MIER2: variants seen among roughly 807,000 people sequenced by gnomAD.
MIER2 encodes the protein mesoderm induction early response protein 2.
MIER2 carries 30 observed loss-of-function variants against 67.6 expected under a neutral mutation model. That is an observed-to-expected ratio of 0.44 (90% CI 0.33 to 0.60). MIER2 has a LOEUF of 0.60. Ranked by LOEUF, MIER2 falls within the 20% of genes least tolerant of loss-of-function variation. The probability of loss-of-function intolerance (pLI) is 0.02; values close to 1 mark genes in which losing one functional copy is unlikely to be tolerated. For synonymous variants in MIER2, 372 were observed against 312.6 expected, an observed-to-expected ratio of 1.19 and a Z score of -2.00; for missense variants, 702 against 745.1, an observed-to-expected ratio of 0.94 and a Z score of 0.67.
chr19:311,988 GCA>G, intron 9 of MIER2, 49 bp from the exon 10 acceptor site: 1 of 1,395,664 alleles, frequency 7.2e-7, no homozygotes, highest in South Asian at 1.5e-5. Flanking sequence ...GGGCGGGGCC[GCA>G]GCGGAAGGAA....
chr19:343,520 G>A (rs1268676977), intron 1 of MIER2, among the ~76,000 whole-genome samples: 1 of 152,176 alleles, frequency 6.6e-6, no homozygotes, highest in Non-Finnish European at 1.5e-5. Flanking sequence ...TAAACACAGG[G>A]CCTGTTACTG....
chr19:331,158 G>C (rs546831867), intron 3 of MIER2, among the ~76,000 whole-genome samples: 8 of 152,020 alleles, frequency 5.3e-5, no homozygotes, highest in Admixed American at 1.3e-4. Flanking sequence ...TCAGGAGTTC[G>C]AGACCAGCCT....
chr19:326,763 CA>C (rs1971771524), intron 5 of MIER2, 165 bp from the exon 6 acceptor site: 1 of 623,258 alleles, frequency 1.6e-6, no homozygotes, highest in Non-Finnish European at 2.8e-6. Flanking sequence ...ACCAGGGATG[CA>C]CCTTTGAAGA....
intron 7 of MIER2, among the ~76,000 whole-genome samples, chr19:324,939 G>A (rs967034092): frequency 7.2e-5 from 11 of 152,212 alleles, no homozygotes; most frequent in Non-Finnish European, 1.3e-4. Context: ...GGGCACCCCC[G>A]ACCAGCCCCA....
At position 315,163 on chromosome 19, in the gene MIER2, G is replaced by A. The variant is rs866419359; in HGVS notation, c.656-1520C>T. 7.3e-5 allele frequency among the ~76,000 whole-genome samples: 11 copies of A among 149,978 alleles called. No individual in the cohort carries two copies. The South Asian group carries it at 1.9e-3, about 26-fold the overall frequency. ...GCGGGTCACCTGAGGTCAGGAGTTC[G>A]AGACCAGCCTGGCAAACATGGCGAA... is the stretch of plus-strand genomic sequence containing the variant. On this transcript the variant is annotated intron_variant, in intron 7 of 13. Coordinates refer to ENST00000264819, the MANE Select transcript of MIER2 (RefSeq NM_017550.3).
chr19:325,410 C>G (rs1399257520), intron 7 of MIER2, among the ~76,000 whole-genome samples: 1 of 152,124 alleles, frequency 6.6e-6, no homozygotes, highest in Non-Finnish European at 1.5e-5. Flanking sequence ...GCTGCACAGG[C>G]TGACCAGAGC....
intron 10 of MIER2, among the ~76,000 whole-genome samples, chr19:309,277 G>A (rs1428778369): frequency 6.6e-6 from 1 of 152,036 alleles, no homozygotes; most frequent in Non-Finnish European, 1.5e-5. Flanking sequence ...ATGAGCCACG[G>A]GCCAGTTGCG....
rs1441582208 is a variant in MIER2 at position 334,496 on chromosome 19, G to C, written c.147C>G (p.Ile49Met). The change falls in exon 3 of 14, where the codon ATC (isoleucine) becomes ATG (methionine). Residue 49 changes from isoleucine to methionine, a missense_variant. Coordinates refer to ENST00000264819, the MANE Select transcript of MIER2 (RefSeq NM_017550.3). ...CCCTAACACTGTAGTTCTGTGACAG[G>C]ATCTCTGCGAGGTTGAACTGATGGT... The part of the protein sequence containing the change: ...SGDHQFNLAE[I>M]LSQNYSVRGE... The C allele has an allele frequency of 3.1e-6, 5 of 1,614,134 alleles. No individual in the cohort carries two copies. The highest frequency in any genetic ancestry group is 1.3e-5 in the African/African-American group (1 of 75,038).
intron 1 of MIER2, chr19:340,700 C>T (rs882572): frequency 0.56 from 85,229 of 151,916 alleles, 25,137 homozygotes; most frequent in African/African-American, 0.68. Flanking sequence ...TGTACAGCAA[C>T]GTACAGCAAA....
chr19:340,138 C>T (rs1972436772), intron 1 of MIER2, among the ~76,000 whole-genome samples: 1 of 152,192 alleles, frequency 6.6e-6, no homozygotes, highest in Admixed American at 6.5e-5. Flanking sequence ...GAAACAAGCT[C>T]AAAGAGATAG....
In MIER2 at chr19:328,944, G is replaced by A. The variant is rs147605864; in HGVS notation, c.244-955C>T. On this transcript the variant is annotated intron_variant, in intron 3 of 13. Coordinates refer to ENST00000264819, the MANE Select transcript of MIER2 (RefSeq NM_017550.3). ...ATGACAAGAAGTATAAATAAGGCACGTAATTCCTGGGAAGGAAGAGATGCG... is the reference window on the plus strand; with the variant it reads ...ATGACAAGAAGTATAAATAAGGCACATAATTCCTGGGAAGGAAGAGATGCG... 7.9e-5 allele frequency among the ~76,000 whole-genome samples: 12 copies of A among 152,286 alleles called. 1 individual carries two copies. The highest frequency in any genetic ancestry group is 2.1e-4 in the South Asian group (1 of 4,818).
chr19:321,750 C>T (rs930969302), intron 7 of MIER2, among the ~76,000 whole-genome samples: 2 of 152,098 alleles, frequency 1.3e-5, no homozygotes, highest in South Asian at 2.1e-4. Flanking sequence ...ACTTGCACCA[C>T]CTCAGACTTC....
chr19:311,849 T>C lies in MIER2; in HGVS notation c.980A>G (p.Asn327Ser). ...HGKNFHLIQA[N>S]KVRTRSVGEC... ...GCCTGGCAGTGGAGTCCGCACCTTG[T>C]TGGCCTGGATCAGGTGAAAGTTCTT... Residue 327 changes from asparagine to serine, a missense_variant, in exon 10 of 14, where the codon AAC (asparagine) becomes AGC (serine). Physicochemically the swap from Asn to Ser is conservative, Grantham distance 46. Coordinates refer to ENST00000264819, the MANE Select transcript of MIER2 (RefSeq NM_017550.3). 3 of 1,614,030 alleles carry C rather than the reference T, an allele frequency of 1.9e-6. No homozygotes were observed. The highest frequency in any genetic ancestry group is 1.3e-5 in the African/African-American group (1 of 75,052).
At chr19:338,583 A>C (rs1218634869) in intron 1 of MIER2, among the ~76,000 whole-genome samples, 2 of 152,098 alleles carry the variant, frequency 1.3e-5, no homozygotes, top group Non-Finnish European at 2.9e-5. Context: ...GCCGATTTCA[A>C]AAGCATATGG....
At chr19:330,871 G>A (rs558067155) in intron 3 of MIER2, among the ~76,000 whole-genome samples, 9 of 152,202 alleles carry the variant, frequency 5.9e-5, no homozygotes, top group Middle Eastern at 3.4e-3. Flanking sequence ...TCACTGATAC[G>A]GTCTCAGATT....
At chr19:339,520 C>CCA (rs1461010873) in intron 1 of MIER2, among the ~76,000 whole-genome samples, 4 of 152,216 alleles carry the variant, frequency 2.6e-5, no homozygotes, top group Non-Finnish European at 4.4e-5. Flanking sequence ...AATAGTGCAG[C>CCA]CACTTTGGAA....
intron 7 of MIER2, among the ~76,000 whole-genome samples, chr19:317,132 C>T (rs1452190263): frequency 2.6e-5 from 4 of 152,288 alleles, no homozygotes; most frequent in African/African-American, 7.2e-5. Flanking sequence ...CAGTGGCTCA[C>T]GCCTGTAATC....
intron 7 of MIER2, among the ~76,000 whole-genome samples, chr19:319,823 A>G (rs546736873): frequency 6.6e-6 from 1 of 152,178 alleles, no homozygotes; most frequent in Non-Finnish European, 1.5e-5. Context: ...CACATTCACG[A>G]AAGCAGCATA....
At chr19:339,294 A>T (rs928841870) in intron 1 of MIER2, among the ~76,000 whole-genome samples, 1 of 152,230 alleles carries the variant, frequency 6.6e-6, no homozygotes, top group Non-Finnish European at 1.5e-5. Flanking sequence ...TAGGCAAAGG[A>T]TCTGAACAGA....
Sources: gnomAD v4.1 joint callset for allele counts (sites outside exome capture counted in the v4.1 genomes callset) on GRCh38, gnomAD v4.1.1 for gene constraint, MANE v1.5 for transcripts, NCBI Gene and HGNC (gene_info 2026-07-23, HGNC 2026-07-21) for gene names.